METTL15: variants seen among roughly 807,000 people sequenced by gnomAD.
The protein encoded by METTL15 is methyltransferase 15, mitochondrial 12S rRNA N4-cytidine.
METTL15 carries 34 observed loss-of-function variants against 38.3 expected under a neutral mutation model. The ratio of observed to expected loss-of-function variants is 0.89; its 90% CI spans 0.68 to 1.18. The LOEUF (loss-of-function observed/expected upper bound fraction) is 1.18. Among genes scored for constraint, METTL15 ranks in the 50% most tolerant of loss-of-function variants. The probability of loss-of-function intolerance (pLI) is 0.00; values close to 1 mark genes in which losing one functional copy is unlikely to be tolerated. For synonymous variants in METTL15, 162 were observed against 170.9 expected (o/e 0.95, Z 0.41); for missense variants, 438 against 498.4 (o/e 0.88, Z 1.15).
chr11:28,272,797 G>C (rs1222457293), intron 4 of METTL15, among the ~76,000 whole-genome samples: 1 of 152,126 alleles, frequency 6.6e-6, no homozygotes, highest in Non-Finnish European at 1.5e-5. Flanking sequence ...CCCATGCCCT[G>C]AATCAACCTC....
At chr11:28,188,309 C>T (rs1490000049) in intron 3 of METTL15, among the ~76,000 whole-genome samples, 1 of 150,968 alleles carries the variant, frequency 6.6e-6, no homozygotes, top group Non-Finnish European at 1.5e-5. Flanking sequence ...AGTCTTAAAC[C>T]AAGGCATATA....
downstream of METTL15, chr11:28,333,606 T>C (rs551042310): frequency 3.9e-4 from 60 of 152,106 alleles, no homozygotes; most frequent in Admixed American, 1.2e-3. Context: ...TTAAATAAAA[T>C]TTAATAACTA....
intron 3 of METTL15, among the ~76,000 whole-genome samples, chr11:28,346,358 T>A (rs374565431): frequency 1.1e-4 from 17 of 152,290 alleles, no homozygotes; most frequent in South Asian, 6.2e-4. Flanking sequence ...AAGATTTTTT[T>A]AAAATGTGGC....
chr11:28,511,888 C>A (rs765001945), intron 6 of METTL15, among the ~76,000 whole-genome samples: 3 of 152,200 alleles, frequency 2.0e-5, no homozygotes, highest in Admixed American at 6.5e-5. Context: ...CCACCCACAT[C>A]CTGCTGATTG....
In METTL15 at chr11:28,153,485, T is replaced by C. The variant is rs572894618; in HGVS notation, c.270+39881T>C. ...TCCATGGATGGGGAACCCATTAATA[T>C]GGAGGGCTGACTATATTCTAATGTG... On this transcript the variant is annotated intron_variant, in intron 3 of 6. Coordinates refer to ENST00000407364, the MANE Select transcript of METTL15 (RefSeq NM_001113528.2). Among the ~76,000 whole-genome samples, 3 of 152,268 alleles carry C rather than the reference T, an allele frequency of 2.0e-5. No homozygotes were observed. The South Asian group carries it at 6.2e-4, about 31-fold the overall frequency.
At position 28,483,142 on chromosome 11, in the gene METTL15, A is replaced by G. The variant is rs141507373; in HGVS notation, c.*425-43336A>G. 3.9e-5 allele frequency among the ~76,000 whole-genome samples: 6 copies of G among 152,292 alleles called. No homozygotes were observed. The East Asian group carries it at 1.2e-3, about 29-fold the overall frequency. On this transcript the variant is annotated intron_variant and NMD_transcript_variant, in intron 6 of 7. Transcript: ENST00000532947. ...TGCTTGATTTAACACCAAAAAAGAGACATGCTGCAGCAATGCATTGGGCAT... is the reference window on the plus strand; with the variant it reads ...TGCTTGATTTAACACCAAAAAAGAGGCATGCTGCAGCAATGCATTGGGCAT...
intron 2 of METTL15, among the ~76,000 whole-genome samples, chr11:28,111,407 A>G (rs1851713781): frequency 6.6e-6 from 1 of 152,172 alleles, no homozygotes; most frequent in Admixed American, 6.5e-5. Context: ...TTTTAGGCGT[A>G]TACATTGTAC....
At chr11:28,188,589 G>A (rs1225299841) in intron 3 of METTL15, among the ~76,000 whole-genome samples, 3 of 151,112 alleles carry the variant, frequency 2.0e-5, no homozygotes, top group Non-Finnish European at 4.5e-5. Flanking sequence ...GAAACAGGAA[G>A]GTATGTACTA....
rs140153820 is a variant in METTL15 at position 28,159,133 on chromosome 11, C to T, written c.270+45529C>T. On this transcript the variant is annotated intron_variant, in intron 3 of 6. Transcript: ENST00000407364. ...CTGCCACCAGGAGACACAAAAATTC[C>T]ATTAAACTGAAACTTAAGATTGCTA... Among the ~76,000 whole-genome samples the T allele has an allele frequency of 1.3e-3, 197 of 152,186 alleles. 1 individual carries two copies. Among genetic ancestry groups the T allele is most frequent in the African/African-American group, 4.5e-3 (187 of 41,516 alleles).
intron 5 of METTL15, among the ~76,000 whole-genome samples, chr11:28,293,550 G>A (rs968881076): frequency 2.6e-5 from 4 of 151,828 alleles, no homozygotes; most frequent in South Asian, 2.1e-4. Context: ...CTCTTTTTTG[G>A]TTCCATATGA....
chr11:28,143,314 A>G (rs2128958), intron 3 of METTL15, among the ~76,000 whole-genome samples: 70,236 of 151,852 alleles, frequency 0.46, 17,818 homozygotes, highest in Admixed American at 0.56. Flanking sequence ...GTACATTAAA[A>G]CAACAATTAT....
chr11:28,211,027 G>T (rs1417950428), intron 3 of METTL15, 35 bp from the exon 4 acceptor site: 2 of 1,586,312 alleles, frequency 1.3e-6, no homozygotes, highest in Non-Finnish European at 1.7e-6. Flanking sequence ...TTTTGTTTAT[G>T]CTAAGTTGTA....
intron 3 of METTL15, among the ~76,000 whole-genome samples, chr11:28,187,974 G>A (rs1034414684): frequency 9.3e-5 from 14 of 151,076 alleles, no homozygotes; most frequent in African/African-American, 2.7e-4. Context: ...ATTTAAATAC[G>A]CAAGCATTGT....
rs561467365 is a variant in METTL15 at position 28,210,651 on chromosome 11, A to G, written c.271-411A>G. On this transcript the variant is annotated intron_variant, in intron 3 of 6. Transcript: ENST00000407364. Reference sequence around the variant, plus strand: ...GTTCTTGAGTATCATTTTCATAGAAAGCTTTAAGAGAAATTGAGATAAAAT... The same window carrying G: ...GTTCTTGAGTATCATTTTCATAGAAGGCTTTAAGAGAAATTGAGATAAAAT... Among the ~76,000 whole-genome samples, 16 of 152,044 alleles carry G rather than the reference A, an allele frequency of 1.1e-4. No individual in the cohort carries two copies. The South Asian group carries it at 1.4e-3, about 14-fold the overall frequency.
intron 3 of METTL15, among the ~76,000 whole-genome samples, chr11:28,347,086 CAT>C (rs1246107224): frequency 1.3e-5 from 2 of 152,202 alleles, no homozygotes; most frequent in Non-Finnish European, 2.9e-5. Context: ...AACTCCTTCA[CAT>C]GTTTCCTTGG....
intron 6 of METTL15, among the ~76,000 whole-genome samples, chr11:28,455,731 G>A (rs1851162768): frequency 6.6e-6 from 1 of 152,052 alleles, no homozygotes; most frequent in South Asian, 2.1e-4. Context: ...TTTTGAGACG[G>A]AGTCTCGCTC....
At chr11:28,439,745 A>G (rs1172345678) in intron 6 of METTL15, among the ~76,000 whole-genome samples, 1 of 152,170 alleles carries the variant, frequency 6.6e-6, no homozygotes, top group Non-Finnish European at 1.5e-5. Context: ...TTGGAATTTT[A>G]TAGGACTGTG....
chr11:28,128,647 A>G (rs1046445420), intron 3 of METTL15, among the ~76,000 whole-genome samples: 164 of 152,274 alleles, frequency 1.1e-3, no homozygotes, highest in African/African-American at 2.2e-3. Flanking sequence ...AAAAGTTGAA[A>G]AGTGAGCGGA....
chr11:28,236,566 C>G (rs1590201111), intron 4 of METTL15, among the ~76,000 whole-genome samples: 1 of 152,134 alleles, frequency 6.6e-6, no homozygotes, highest in Admixed American at 6.5e-5. Flanking sequence ...ATTTGCCAGT[C>G]TCTGTCTCAT....
Sources: allele counts gnomAD v4.1 joint callset (sites outside exome capture counted in the v4.1 genomes callset), GRCh38; gene constraint gnomAD v4.1.1; transcripts MANE v1.5; gene names NCBI Gene and HGNC (gene_info 2026-07-23, HGNC 2026-07-21).